MEGF10: variants seen among roughly 807,000 people sequenced by gnomAD.
MEGF10 encodes the protein multiple epidermal growth factor-like domains protein 10.
MEGF10 carries 86 observed loss-of-function variants against 147.5 expected under a neutral mutation model. The ratio of observed to expected loss-of-function variants is 0.58; its 90% CI spans 0.49 to 0.70. The LOEUF (loss-of-function observed/expected upper bound fraction) is 0.70, where lower values mean the gene tolerates loss of function less well. MEGF10 is among the 30% of genes least tolerant of loss of function. The pLI, the probability that MEGF10 is intolerant of heterozygous loss-of-function variation, is 0.00. For missense variants in MEGF10, 1,329 were observed against 1,487.3 expected, an observed-to-expected ratio of 0.89 and a Z score of 1.75; for synonymous variants, 478 against 525.5, an observed-to-expected ratio of 0.91 and a Z score of 1.24.
At chr5:127,368,834 T>C (rs1022629225) in intron 4 of MEGF10, among the ~76,000 whole-genome samples, 8 of 152,262 alleles carry the variant, frequency 5.3e-5, no homozygotes, top group African/African-American at 1.9e-4. Context: ...GACATGGAAA[T>C]ATTACTGCCA....
Position 127,454,613 on chromosome 5 carries a change from A to G in MEGF10, c.3025+3A>G, listed in dbSNP as rs1260065704. 6.2e-7 allele frequency: 1 copy of G among 1,605,590 alleles called. No homozygotes were observed. The highest frequency in any genetic ancestry group is 1.1e-5 in the South Asian group (1 of 88,660). ...CTATATGGGAAAATCCTTAAAAGGT[A>G]TCATGTAAATTTGAAGAAGAAATCA... On this transcript the variant is annotated splice_donor_region_variant and intron_variant, in intron 23 of 24. Coordinates refer to ENST00000503335, the MANE Select transcript of MEGF10 (RefSeq NM_001256545.2).
intron 4 of MEGF10, among the ~76,000 whole-genome samples, chr5:127,362,184 G>A (rs893029514): frequency 6.6e-6 from 1 of 151,776 alleles, no homozygotes; most frequent in African/African-American, 2.4e-5. Flanking sequence ...ATGCATAAAT[G>A]TTTAGGATTA....
At chr5:127,327,283 G>T (rs1479471451) in intron 1 of MEGF10, among the ~76,000 whole-genome samples, 1 of 152,126 alleles carries the variant, frequency 6.6e-6, no homozygotes, top group Non-Finnish European at 1.5e-5. Flanking sequence ...TCATGCAAAT[G>T]ACTCTTTATT....
At chr5:127,249,903 G>A in the MEGF10 span, among the ~76,000 whole-genome samples, 1 of 152,064 alleles carries the variant, frequency 6.6e-6, no homozygotes, top group Non-Finnish European at 1.5e-5. Context: ...CAACACTGTT[G>A]TTCACATGGC....
the MEGF10 span, among the ~76,000 whole-genome samples, chr5:127,269,487 C>A: frequency 6.6e-6 from 1 of 152,042 alleles, no homozygotes; most frequent in Non-Finnish European, 1.5e-5. Flanking sequence ...GAAAGGGTAT[C>A]AGTGATGGAA....
intron 22 of MEGF10, among the ~76,000 whole-genome samples, chr5:127,450,807 G>A (rs1044179343): frequency 2.0e-5 from 3 of 152,226 alleles, no homozygotes; most frequent in East Asian, 3.9e-4. Flanking sequence ...CGTCTAGGCT[G>A]TAGTGCAGTG....
chr5:127,339,091 T>A, intron 2 of MEGF10, 29 bp from the exon 3 acceptor site: 1 of 1,422,108 alleles, frequency 7.0e-7, no homozygotes, highest in Non-Finnish European at 9.8e-7. Flanking sequence ...AGAGAAATAC[T>A]GATTTCTTAT....
chr5:127,287,666 A>G (rs1246905824), upstream of MEGF10, among the ~76,000 whole-genome samples: 2 of 152,048 alleles, frequency 1.3e-5, no homozygotes, highest in African/African-American at 4.8e-5. Context: ...AAATTGATCA[A>G]TGGATTCAAG....
intron 17 of MEGF10, among the ~76,000 whole-genome samples, chr5:127,439,355 G>A (rs377260582): frequency 2.0e-5 from 3 of 152,256 alleles, no homozygotes; most frequent in Admixed American, 6.5e-5. Flanking sequence ...TAATAATAGC[G>A]TATATTTTAA....
chr5:127,398,857 G>A (rs1764024145), intron 7 of MEGF10, 61 bp downstream of exon 7: 11 of 1,605,720 alleles, frequency 6.9e-6, no homozygotes, highest in Non-Finnish European at 9.4e-6. Context: ...AGGATACTCA[G>A]TGCATACACA....
At position 127,307,500 on chromosome 5, in the gene MEGF10, G is replaced by A. The variant is rs188629808; in HGVS notation, c.-19+16444G>A. Among the ~76,000 whole-genome samples the A allele has an allele frequency of 1.9e-3, 289 of 152,314 alleles. 1 individual carries two copies. Among genetic ancestry groups the A allele is most frequent in the Middle Eastern group, 6.8e-3 (2 of 294 alleles). ...GTGTGACTGAAAGTGTTTATTTTGA[G>A]GATGAATACTAATATCTAATATCTG... On this transcript the variant is annotated intron_variant, in intron 1 of 24. Coordinates refer to ENST00000503335, the MANE Select transcript of MEGF10 (RefSeq NM_001256545.2).
chr5:127,408,588 C>A (rs1035681119), intron 8 of MEGF10, among the ~76,000 whole-genome samples: 1 of 152,184 alleles, frequency 6.6e-6, no homozygotes, highest in Non-Finnish European at 1.5e-5. Flanking sequence ...AACTTTTAGG[C>A]ACACGTTTTA....
At chr5:127,269,445 C>G in the MEGF10 span, among the ~76,000 whole-genome samples, 1 of 152,180 alleles carries the variant, frequency 6.6e-6, no homozygotes, top group Non-Finnish European at 1.5e-5. Context: ...GACAAATGCA[C>G]AAGCTTCAGT....
intron 1 of MEGF10, among the ~76,000 whole-genome samples, chr5:127,329,250 T>A (rs1580720789): frequency 6.6e-6 from 1 of 152,232 alleles, no homozygotes. Context: ...TTACGCTTTA[T>A]CTATTGGAAT....
chr5:127,276,335 C>T, the MEGF10 span, among the ~76,000 whole-genome samples: 7 of 152,188 alleles, frequency 4.6e-5, no homozygotes, highest in African/African-American at 1.7e-4. Context: ...GGGTAAATAA[C>T]AAGGCAGGCT....
the MEGF10 span, among the ~76,000 whole-genome samples, chr5:127,240,960 G>A: frequency 2.6e-5 from 4 of 152,122 alleles, no homozygotes; most frequent in African/African-American, 7.2e-5. Flanking sequence ...AATAAGTTGT[G>A]TCAAAATGCA....
chr5:127,267,590 C>T, the MEGF10 span, among the ~76,000 whole-genome samples: 1 of 152,170 alleles, frequency 6.6e-6, no homozygotes, highest in East Asian at 1.9e-4. Flanking sequence ...ATTATTGCCT[C>T]AATTTCAGAG....
chr5:127,415,498 A>G (rs1473232495), intron 9 of MEGF10, among the ~76,000 whole-genome samples: 1 of 152,174 alleles, frequency 6.6e-6, no homozygotes, highest in Non-Finnish European at 1.5e-5. Flanking sequence ...GATAGATGGC[A>G]TTGGCTGGAG....
intron 4 of MEGF10, among the ~76,000 whole-genome samples, chr5:127,354,774 T>C (rs1214330375): frequency 6.6e-6 from 1 of 152,204 alleles, no homozygotes; most frequent in Non-Finnish European, 1.5e-5. Context: ...TTACCTTCCT[T>C]TGTGAGCTGG....
Sources: gnomAD v4.1 joint callset for allele counts (sites outside exome capture counted in the v4.1 genomes callset) on GRCh38, gnomAD v4.1.1 for gene constraint, MANE v1.5 for transcripts, NCBI Gene and HGNC (gene_info 2026-07-23, HGNC 2026-07-21) for gene names.